The following DNAH6 variants were observed in gnomAD, a reference collection of about 807,000 sequenced individuals.
The protein encoded by DNAH6 is dynein axonemal heavy chain 6.
A neutral mutation model predicts 491.4 loss-of-function variants in DNAH6; 340 were observed. The observed-to-expected ratio is 0.69, with a 90% CI of 0.63 to 0.76. DNAH6 has a LOEUF of 0.76. Among genes scored for constraint, DNAH6 ranks in the 30% least tolerant of loss-of-function variants. DNAH6 has a pLI of 0.00. For synonymous variants in DNAH6, 1,603 were observed against 1,686.1 expected (o/e 0.95, Z 1.21); for missense variants, 4,443 against 4,972.2 (o/e 0.89, Z 3.20).
intron 61 of DNAH6, among the ~76,000 whole-genome samples, chr2:84,731,357 C>A (rs1305063511): frequency 2.0e-5 from 3 of 152,196 alleles, no homozygotes; most frequent in Non-Finnish European, 4.4e-5. Context: ...GGTGGGGCTG[C>A]CTTCTTCCAC....
chr2:84,561,255 T>G (rs2104620298), intron 11 of DNAH6, among the ~76,000 whole-genome samples: 1 of 152,280 alleles, frequency 6.6e-6, no homozygotes, highest in South Asian at 2.1e-4. Context: ...CTATCTGATC[T>G]TTGACAAACC....
At chr2:84,548,178 C>CA in intron 7 of DNAH6, 110 bp from the exon 8 acceptor site, 2 of 1,238,556 alleles carry the variant, frequency 1.6e-6, no homozygotes, top group Non-Finnish European at 2.2e-6. Context: ...CTTCGTGTAC[C>CA]AAAATATTTT....
At chr2:84,651,694 A>G (rs888071079) in intron 33 of DNAH6, among the ~76,000 whole-genome samples, 4 of 152,012 alleles carry the variant, frequency 2.6e-5, no homozygotes, top group Non-Finnish European at 5.9e-5. Context: ...TATTGCTTGC[A>G]TCTTAAGGTA....
intron 63 of DNAH6, among the ~76,000 whole-genome samples, chr2:84,753,417 T>C (rs1212810688): frequency 6.6e-6 from 1 of 152,144 alleles, no homozygotes; most frequent in East Asian, 1.9e-4. Context: ...TTTCTTCTGT[T>C]GCTTGTGCTT....
At chr2:84,793,584 A>G (rs1350521064) in intron 68 of DNAH6, among the ~76,000 whole-genome samples, 1 of 152,158 alleles carries the variant, frequency 6.6e-6, no homozygotes, top group Non-Finnish European at 1.5e-5. Context: ...GTCCGACCAT[A>G]TTAGATGGAC....
chr2:84,568,686 C>T (rs1423455998), intron 11 of DNAH6, among the ~76,000 whole-genome samples: 2 of 152,096 alleles, frequency 1.3e-5, no homozygotes, highest in African/African-American at 4.8e-5. Context: ...AACAAACCTG[C>T]ACATCCTATC....
At chr2:84,640,155 T>A (rs1273439903) in intron 31 of DNAH6, among the ~76,000 whole-genome samples, 1 of 152,188 alleles carries the variant, frequency 6.6e-6, no homozygotes, top group Non-Finnish European at 1.5e-5. Flanking sequence ...AAAGCTGGGC[T>A]CTTCTGTTCC....
intron 37 of DNAH6, among the ~76,000 whole-genome samples, chr2:84,664,992 A>G (rs891189997): frequency 2.8e-5 from 4 of 141,158 alleles, no homozygotes. Flanking sequence ...CTGCTCCTGA[A>G]TGACTACTGG....
intron 39 of DNAH6, among the ~76,000 whole-genome samples, chr2:84,671,721 C>T (rs1294568006): frequency 6.6e-6 from 1 of 152,180 alleles, no homozygotes; most frequent in Non-Finnish European, 1.5e-5. Context: ...GGAATCACCT[C>T]CTGTAGTAAT....
chr2:84,650,890 A>C (rs376310332), intron 33 of DNAH6, among the ~76,000 whole-genome samples: 17 of 152,140 alleles, frequency 1.1e-4, no homozygotes, highest in African/African-American at 4.1e-4. Context: ...GAGACTCTAG[A>C]TCTTATTTAA....
intron 11 of DNAH6, among the ~76,000 whole-genome samples, chr2:84,560,764 C>T (rs1423871655): frequency 6.6e-6 from 1 of 152,130 alleles, no homozygotes; most frequent in Non-Finnish European, 1.5e-5. Flanking sequence ...CCAATTTCAT[C>T]CATGTCCCTA....
At chr2:84,625,634 AT>A (rs1420267936) in intron 29 of DNAH6, among the ~76,000 whole-genome samples, 4 of 152,236 alleles carry the variant, frequency 2.6e-5, no homozygotes, top group Non-Finnish European at 4.4e-5. Context: ...TGTTAAAAAA[AT>A]AACAGTAAGC....
chr2:84,717,462 A>G (rs1204923419), intron 58 of DNAH6, among the ~76,000 whole-genome samples: 5 of 152,200 alleles, frequency 3.3e-5, no homozygotes, highest in Non-Finnish European at 7.3e-5. Flanking sequence ...AGACCCAGGT[A>G]CAAGCCCAGC....
chr2:84,806,286 T>A (rs980527690), intron 71 of DNAH6, among the ~76,000 whole-genome samples: 1 of 152,176 alleles, frequency 6.6e-6, no homozygotes, highest in African/African-American at 2.4e-5. Context: ...TTAGAAGACA[T>A]ATGGCTAAAT....
chr2:84,583,723 C>G (rs1035143019), intron 14 of DNAH6, among the ~76,000 whole-genome samples: 2 of 152,174 alleles, frequency 1.3e-5, no homozygotes, highest in African/African-American at 4.8e-5. Context: ...GGGAGTTTCC[C>G]TGCACAAGTT....
chr2:84,611,669 C>T lies in DNAH6; in HGVS notation c.3295-5C>T, dbSNP rs1558795100. ...AATTTGACAGTGTCCATATTTTTCT[C>T]CTAGGAAGAGTGGCTGACCTGCCAG... is the stretch of plus-strand genomic sequence containing the variant. On this transcript the variant is annotated splice_polypyrimidine_tract_variant and splice_region_variant and intron_variant, in intron 21 of 76. Transcript: ENST00000389394. 1 of 1,548,714 alleles carries T rather than the reference C, an allele frequency of 6.5e-7. No individual in the cohort carries two copies. Among genetic ancestry groups the T allele is most frequent in the East Asian group, 2.4e-5 (1 of 40,870 alleles).
chr2:84,543,270 T>A (rs1041002816), intron 4 of DNAH6, among the ~76,000 whole-genome samples: 2 of 152,206 alleles, frequency 1.3e-5, no homozygotes, highest in Non-Finnish European at 1.5e-5. Context: ...AATAGCTGAT[T>A]TTCACTGGAG....
chr2:84,695,310 G>A (rs573816680), intron 46 of DNAH6, among the ~76,000 whole-genome samples: 2 of 152,118 alleles, frequency 1.3e-5, no homozygotes, highest in Admixed American at 1.3e-4. Context: ...ATAAAAATGC[G>A]AGTGACTTGG....
intron 2 of DNAH6, among the ~76,000 whole-genome samples, chr2:84,522,203 A>G (rs749671167): frequency 1.3e-5 from 2 of 151,940 alleles, no homozygotes; most frequent in African/African-American, 2.4e-5. Flanking sequence ...CCTGGTTAAA[A>G]TATTCCTAGG....
Sources: allele counts gnomAD v4.1 joint callset (sites outside exome capture counted in the v4.1 genomes callset), GRCh38; gene constraint gnomAD v4.1.1; transcripts MANE v1.5; gene names NCBI Gene and HGNC (gene_info 2026-07-23, HGNC 2026-07-21).